The following PDE1C variants were observed in gnomAD, a reference collection of about 807,000 sequenced individuals.
PDE1C encodes dual specificity calcium/calmodulin-dependent 3',5'-cyclic nucleotide phosphodiesterase 1C.
Under a neutral mutation model 93.1 loss-of-function variants are expected in PDE1C, and 62 were observed. The observed-to-expected ratio is 0.67, with a 90% CI of 0.54 to 0.82. PDE1C has a LOEUF of 0.82. Among genes scored for constraint, PDE1C ranks in the 40% least tolerant of loss-of-function variants. PDE1C has a pLI of 0.00. For synonymous variants in PDE1C, 325 were observed against 310.1 expected (o/e 1.05, Z -0.50); for missense variants, 742 against 884.6 (o/e 0.84, Z 2.04).
chr7:32,188,428 T>C (rs10279087), intron 2 of PDE1C, among the ~76,000 whole-genome samples: 46,276 of 151,958 alleles, frequency 0.3, 7,399 homozygotes, highest in Admixed American at 0.43. Flanking sequence ...CTCATCATTT[T>C]CAATTTTCAT....
At chr7:32,107,149 G>GA (rs112356828) in intron 3 of PDE1C, among the ~76,000 whole-genome samples, 21 of 143,080 alleles carry the variant, frequency 1.5e-4, no homozygotes, top group East Asian at 4.3e-4. Context: ...GAAATGTAAA[G>GA]AAAAAAAAAA....
rs1005674333 is a variant in PDE1C at position 32,133,969 on chromosome 7, T to C, written c.308+35816A>G. On this transcript the variant is annotated intron_variant, in intron 3 of 18. Coordinates refer to the PDE1C transcript ENST00000396193. ...TATCTTATAAATATAAAAAGAAACA[T>C]AATAGGAATTTTAGAATTGAAGAAT... Among the ~76,000 whole-genome samples the C allele has an allele frequency of 4.0e-4, 60 of 151,702 alleles. 1 individual carries two copies. The highest frequency in any genetic ancestry group is 1.4e-3 in the African/African-American group (57 of 41,488).
chr7:32,382,031 T>A (rs1371503091), intron 1 of PDE1C, among the ~76,000 whole-genome samples: 1 of 152,198 alleles, frequency 6.6e-6, no homozygotes, highest in East Asian at 1.9e-4. Flanking sequence ...GCAAGTGATA[T>A]GATTATCATT....
chr7:31,873,387 C>T lies in PDE1C; in HGVS notation c.514G>A (p.Asp172Asn), dbSNP rs758635069. ...ALKDVDKWSF[D>N]VFSLNEASGD... Reference sequence around the variant, plus strand: ...CTGGCCTCATTGAGGGAAAAGACGTCAAAGGACCACTTGTCCACATCCTGC... The same window carrying T: ...CTGGCCTCATTGAGGGAAAAGACGTTAAAGGACCACTTGTCCACATCCTGC... The change falls in exon 6 of 18, where the codon GAC becomes AAC. Residue 172 changes from aspartate (D) to asparagine (N), a missense_variant. By Grantham distance (23) the Asp-to-Asn change is conservative. This residue lies in a region of PDE1C where 205 missense variants were observed against 295.3 expected (regional missense o/e 0.69). Coordinates refer to ENST00000396191, the MANE Select transcript of PDE1C (RefSeq NM_001191057.4). 2.5e-6 allele frequency: 4 copies of T among 1,612,768 alleles called. No individual in the cohort carries two copies. The highest frequency in any genetic ancestry group is 1.3e-5 in the African/African-American group (1 of 74,862).
chr7:31,947,576 A>C (rs1806790827), intron 2 of PDE1C, among the ~76,000 whole-genome samples: 1 of 152,188 alleles, frequency 6.6e-6, no homozygotes, highest in Non-Finnish European at 1.5e-5. Flanking sequence ...AGCAGCCCCC[A>C]TCATTCACTG....
chr7:32,255,749 G>A (rs1253390277), intron 1 of PDE1C, among the ~76,000 whole-genome samples: 1 of 152,200 alleles, frequency 6.6e-6, no homozygotes, highest in Non-Finnish European at 1.5e-5. Flanking sequence ...AAGTACAGAG[G>A]CAGAACAATA....
chr7:32,164,581 T>A (rs1350418918), intron 3 of PDE1C, among the ~76,000 whole-genome samples: 2 of 152,214 alleles, frequency 1.3e-5, no homozygotes, highest in South Asian at 4.1e-4. Context: ...GCTTGATCTC[T>A]CTGAGCCTCA....
At chr7:31,920,044 A>G (rs1802406971) in intron 2 of PDE1C, among the ~76,000 whole-genome samples, 1 of 151,906 alleles carries the variant, frequency 6.6e-6, no homozygotes, top group South Asian at 2.1e-4. Context: ...TTCTACCCCT[A>G]TTTCTTAGGT....
At chr7:32,395,292 G>A (rs1351563903) in intron 1 of PDE1C, among the ~76,000 whole-genome samples, 2 of 152,212 alleles carry the variant, frequency 1.3e-5, no homozygotes, top group African/African-American at 4.8e-5. Flanking sequence ...AGGGGGAAGT[G>A]TGCTTTGGGA....
intron 1 of PDE1C, among the ~76,000 whole-genome samples, chr7:32,233,135 C>T (rs1353658551): frequency 6.6e-6 from 1 of 151,734 alleles, no homozygotes; most frequent in African/African-American, 2.4e-5. Flanking sequence ...TGAAAATACT[C>T]CAAAAAAAGA....
At chr7:32,096,638 A>T (rs368454069) in intron 3 of PDE1C, among the ~76,000 whole-genome samples, 3 of 152,194 alleles carry the variant, frequency 2.0e-5, no homozygotes, top group African/African-American at 7.2e-5. Flanking sequence ...CAATTAAAAC[A>T]TGTCTTAAAA....
the PDE1C span, among the ~76,000 whole-genome samples, chr7:31,621,896 A>G: frequency 2.0e-3 from 304 of 151,916 alleles, 1 homozygote; most frequent in African/African-American, 7.0e-3. Context: ...CTCAAAATAA[A>G]AGGATGGAGG....
intron 16 of PDE1C, among the ~76,000 whole-genome samples, chr7:31,800,604 G>A (rs1299870991): frequency 1.3e-5 from 2 of 151,328 alleles, no homozygotes; most frequent in Non-Finnish European, 3.0e-5. Flanking sequence ...GGTCTGTGTT[G>A]ATGCCAATAC....
At chr7:32,270,029 G>A (rs1378834976) in intron 1 of PDE1C, among the ~76,000 whole-genome samples, 8 of 152,094 alleles carry the variant, frequency 5.3e-5, no homozygotes, top group Non-Finnish European at 8.8e-5. Flanking sequence ...TCCTACCTTG[G>A]CCTCCCAAAA....
intron 1 of PDE1C, among the ~76,000 whole-genome samples, chr7:32,265,723 A>G (rs1301067714): frequency 1.3e-5 from 2 of 152,238 alleles, no homozygotes; most frequent in African/African-American, 2.4e-5. Context: ...TGACCAACAG[A>G]GACATATACG....
chr7:31,805,432 T>C (rs140056199), intron 16 of PDE1C, among the ~76,000 whole-genome samples: 44 of 152,046 alleles, frequency 2.9e-4, no homozygotes, highest in African/African-American at 9.9e-4. Flanking sequence ...TGTACTCTTA[T>C]ATTCTTCAGA....
At chr7:32,064,580 C>T (rs1337251699) in intron 1 of PDE1C, among the ~76,000 whole-genome samples, 5 of 152,132 alleles carry the variant, frequency 3.3e-5, no homozygotes. Context: ...GAATTACAAT[C>T]CTAAAATTCA....
At chr7:32,333,167 A>G (rs1231168365) in intron 1 of PDE1C, among the ~76,000 whole-genome samples, 1 of 152,354 alleles carries the variant, frequency 6.6e-6, no homozygotes, top group East Asian at 1.9e-4. Context: ...AGTCAGTGCC[A>G]AGCAAGTTAA....
chr7:31,952,843 T>C (rs1807590782), intron 2 of PDE1C, among the ~76,000 whole-genome samples: 1 of 152,122 alleles, frequency 6.6e-6, no homozygotes, highest in Non-Finnish European at 1.5e-5. Context: ...CATCATACTG[T>C]CCTTCATGGT....
Sources: allele counts gnomAD v4.1 joint callset (sites outside exome capture counted in the v4.1 genomes callset), GRCh38; gene constraint gnomAD v4.1.1; regional missense constraint gnomAD v4.1.1; transcripts MANE v1.5; gene names NCBI Gene and HGNC (gene_info 2026-07-23, HGNC 2026-07-21).